Variants in GRIK1 observed in about 807,000 individuals in gnomAD.
GRIK1 encodes the protein glutamate ionotropic receptor kainate type subunit 1.
Under a neutral mutation model 105.7 loss-of-function variants are expected in GRIK1, and 69 were observed. That is an observed-to-expected ratio of 0.65 (90% CI 0.54 to 0.80). GRIK1 has a LOEUF of 0.80. GRIK1 is among the 30% of genes least tolerant of loss of function. The pLI is 0.00. For missense variants in GRIK1, 1,109 were observed against 1,167.3 expected, an observed-to-expected ratio of 0.95 and a Z score of 0.73; for synonymous variants, 438 against 431.3, an observed-to-expected ratio of 1.02 and a Z score of -0.19.
chr21:29,580,837 C>T (rs1204316629), intron 13 of GRIK1, among the ~76,000 whole-genome samples: 1 of 152,006 alleles, frequency 6.6e-6, no homozygotes, highest in South Asian at 2.1e-4. Flanking sequence ...AGCAGAATCC[C>T]CGAATTCATA....
chr21:29,897,642 A>T (rs937767867), intron 1 of GRIK1, among the ~76,000 whole-genome samples: 1 of 152,250 alleles, frequency 6.6e-6, no homozygotes, highest in African/African-American at 2.4e-5. Context: ...TATAAAAAAT[A>T]ACGTTAGTCC....
chr21:29,811,495 C>T (rs910482978), intron 1 of GRIK1, among the ~76,000 whole-genome samples: 13 of 152,010 alleles, frequency 8.6e-5, no homozygotes, highest in Admixed American at 8.5e-4. Context: ...AGTAAATGGG[C>T]CCAAAGAAAA....
intron 7 of GRIK1, among the ~76,000 whole-genome samples, chr21:29,638,212 G>T (rs2062436207): frequency 6.6e-6 from 1 of 151,994 alleles, no homozygotes; most frequent in African/African-American, 2.4e-5. Context: ...CTGCATGGCT[G>T]GGGAGGCCTC....
chr21:29,645,739 T>C (rs781755943), intron 6 of GRIK1, among the ~76,000 whole-genome samples: 6 of 152,170 alleles, frequency 3.9e-5, no homozygotes, highest in Non-Finnish European at 7.3e-5. Context: ...TTTTAGGTAA[T>C]AGGTAATGTA....
intron 1 of GRIK1, chr21:29,760,567 G>A (rs757103247): frequency 6.6e-6 from 1 of 152,216 alleles, no homozygotes; most frequent in East Asian, 1.9e-4. Flanking sequence ...AATCAAATTA[G>A]CCTTTAAGAG....
chr21:29,646,915 G>A (rs770783541), intron 6 of GRIK1, among the ~76,000 whole-genome samples: 74 of 151,614 alleles, frequency 4.9e-4, no homozygotes, highest in Middle Eastern at 6.8e-3. Context: ...GCACAATCTT[G>A]GCTCACTGCA....
Position 29,840,749 on chromosome 21 carries a change from CT to C in GRIK1, c.118+98633del, listed in dbSNP as rs2067954959. 3.3e-5 allele frequency among the ~76,000 whole-genome samples: 5 copies of C among 152,046 alleles called. 1 individual carries two copies. In the South Asian group the frequency reaches 1.0e-3, roughly 32 times the overall value. ...AATGACTTTTTCTGGTAGTCTCTTG[CT>C]GAAATATCAACATAACTCTCAATGC... On this transcript the variant is annotated intron_variant, in intron 1 of 17. Coordinates refer to ENST00000327783, the MANE Select transcript of GRIK1 (RefSeq NM_001330994.2).
chr21:29,804,222 G>A (rs1227667537), intron 1 of GRIK1, among the ~76,000 whole-genome samples: 1 of 152,050 alleles, frequency 6.6e-6, no homozygotes, highest in South Asian at 2.1e-4. Flanking sequence ...TCAAAGAAAA[G>A]TGTCTAAAAC....
At chr21:29,762,699 C>G (rs2065558257) in intron 1 of GRIK1, among the ~76,000 whole-genome samples, 1 of 152,130 alleles carries the variant, frequency 6.6e-6, no homozygotes, top group South Asian at 2.1e-4. Context: ...ACCAGGAGGA[C>G]AGGACCACCC....
In GRIK1 at chr21:29,663,015, C is replaced by A. The variant is rs1451294359; in HGVS notation, c.727-8152G>T. On this transcript the variant is annotated intron_variant, in intron 4 of 17. Coordinates refer to ENST00000327783, the MANE Select transcript of GRIK1 (RefSeq NM_001330994.2). ...GCTACAACAATAATATTCACAGCGA[C>A]TGCTTGCTGAGTGCCACAACACGAT... Among the ~76,000 whole-genome samples, 3 of 152,184 alleles carry A rather than the reference C, an allele frequency of 2.0e-5. No homozygotes were observed. The East Asian group carries it at 5.8e-4, about 29-fold the overall frequency.
At chr21:29,686,678 G>A (rs982926808) in intron 3 of GRIK1, among the ~76,000 whole-genome samples, 2 of 152,208 alleles carry the variant, frequency 1.3e-5, no homozygotes, top group African/African-American at 4.8e-5. Context: ...TCAGAGTGGA[G>A]TGGTTTTGAC....
At chr21:29,916,619 T>C (rs1172771317) in intron 1 of GRIK1, among the ~76,000 whole-genome samples, 1 of 151,896 alleles carries the variant, frequency 6.6e-6, no homozygotes, top group Non-Finnish European at 1.5e-5. Flanking sequence ...AACAGTGCAA[T>C]AGCTACAGCA....
intron 16 of GRIK1, among the ~76,000 whole-genome samples, chr21:29,552,055 G>GAAT (rs1226501846): frequency 6.6e-6 from 1 of 152,076 alleles, no homozygotes; most frequent in African/African-American, 2.4e-5. Context: ...ATCAGGATAA[G>GAAT]AATCAACTAG....
intron 1 of GRIK1, among the ~76,000 whole-genome samples, chr21:29,874,238 A>ATG (rs1030369434): frequency 2.6e-5 from 4 of 152,192 alleles, no homozygotes; most frequent in Admixed American, 2.0e-4. Context: ...GGAAGTGGCC[A>ATG]TGTTAAATGT....
At chr21:29,700,274 G>T (rs938169430) in intron 1 of GRIK1, among the ~76,000 whole-genome samples, 1 of 152,178 alleles carries the variant, frequency 6.6e-6, no homozygotes, top group Non-Finnish European at 1.5e-5. Context: ...CTTTAAGGGG[G>T]GATGATGGGT....
intron 1 of GRIK1, among the ~76,000 whole-genome samples, chr21:29,839,187 C>T (rs967778408): frequency 2.0e-5 from 3 of 152,132 alleles, no homozygotes; most frequent in South Asian, 2.1e-4. Flanking sequence ...GTAGCTGGGA[C>T]TACAAGCACA....
At chr21:29,538,456 G>C (rs2089916647) in intron 16 of GRIK1, among the ~76,000 whole-genome samples, 2 of 151,998 alleles carry the variant, frequency 1.3e-5, no homozygotes, top group South Asian at 4.1e-4. Context: ...GGGATATAAG[G>C]TTTCAATTAT....
intron 1 of GRIK1, among the ~76,000 whole-genome samples, chr21:29,825,673 G>A (rs1047879657): frequency 6.6e-6 from 1 of 152,066 alleles, no homozygotes; most frequent in African/African-American, 2.4e-5. Context: ...AGAAAAATAT[G>A]AAAGCTGTAC....
chr21:29,706,274 A>G (rs1473236450), intron 1 of GRIK1, among the ~76,000 whole-genome samples: 2 of 152,114 alleles, frequency 1.3e-5, no homozygotes, highest in Non-Finnish European at 2.9e-5. Flanking sequence ...CCTTTTAATA[A>G]CTTTTTCATT....
Sources: allele counts gnomAD v4.1 joint callset (sites outside exome capture counted in the v4.1 genomes callset), GRCh38; gene constraint gnomAD v4.1.1; transcripts MANE v1.5; gene names NCBI Gene and HGNC (gene_info 2026-07-23, HGNC 2026-07-21).